Variants in PTPRK observed in about 807,000 individuals in gnomAD.
PTPRK encodes receptor-type tyrosine-protein phosphatase kappa.
PTPRK carries 75 observed loss-of-function variants against 178.0 expected under a neutral mutation model. That is an observed-to-expected ratio of 0.42 (90% CI 0.35 to 0.51). The LOEUF (loss-of-function observed/expected upper bound fraction) is 0.51, where lower values mean the gene tolerates loss of function less well. PTPRK is among the 20% of genes least tolerant of loss of function. The pLI, the probability that PTPRK is intolerant of heterozygous loss-of-function variation, is 0.02. For missense variants in PTPRK, 1,441 were observed against 1,797.8 expected (o/e 0.80, Z 3.59); for synonymous variants, 637 against 620.6 (o/e 1.03, Z -0.39).
At chr6:128,203,023 C>T in intron 6 of PTPRK, among the ~76,000 whole-genome samples, 1 of 152,158 alleles carries the variant, frequency 6.6e-6, no homozygotes. Context: ...TACTGTTAAA[C>T]CGAATCCAGC....
At chr6:128,307,589 A>G (rs1826617737) in intron 3 of PTPRK, among the ~76,000 whole-genome samples, 1 of 152,152 alleles carries the variant, frequency 6.6e-6, no homozygotes, top group African/African-American at 2.4e-5. Flanking sequence ...ATTACTATCT[A>G]GACCAGAAAA....
At position 128,086,736 on chromosome 6, in the gene PTPRK, C is replaced by G. The variant is rs554427653; in HGVS notation, c.1466-2912G>C. On this transcript the variant is annotated intron_variant, in intron 8 of 29. Coordinates refer to ENST00000368226, the MANE Select transcript of PTPRK (RefSeq NM_002844.4). ...CTATGTACAAAGTGAAGCTCACATGCTGATTTGAAGACAGAGTTACTTGCA... is the reference window on the plus strand; with the variant it reads ...CTATGTACAAAGTGAAGCTCACATGGTGATTTGAAGACAGAGTTACTTGCA... Among the ~76,000 whole-genome samples, 24 of 152,160 alleles carry G rather than the reference C, an allele frequency of 1.6e-4. No individual in the cohort carries two copies. The South Asian group carries it at 1.9e-3, about 12-fold the overall frequency.
At chr6:128,483,473 T>A (rs1440983382) in intron 1 of PTPRK, among the ~76,000 whole-genome samples, 2 of 152,180 alleles carry the variant, frequency 1.3e-5, no homozygotes, top group African/African-American at 4.8e-5. Context: ...CCTTTTCATC[T>A]TCTTCTCCCT....
intron 3 of PTPRK, among the ~76,000 whole-genome samples, chr6:128,274,601 C>T (rs1399756992): frequency 6.6e-6 from 1 of 152,008 alleles, no homozygotes; most frequent in Non-Finnish European, 1.5e-5. Flanking sequence ...AGCATTCACA[C>T]CCAGATTTAA....
chr6:128,074,728 G>A (rs1182042813), intron 11 of PTPRK, among the ~76,000 whole-genome samples: 2 of 152,016 alleles, frequency 1.3e-5, no homozygotes, highest in Non-Finnish European at 2.9e-5. Context: ...CATCGCACAT[G>A]TTCTACATTA....
At chr6:127,977,165 A>G in intron 25 of PTPRK, 111 bp from the exon 26 acceptor site, 2 of 1,086,472 alleles carry the variant, frequency 1.8e-6, no homozygotes, top group Non-Finnish European at 2.7e-6. Context: ...CAATAGCTTC[A>G]TATGCAGAAG....
intron 21 of PTPRK, among the ~76,000 whole-genome samples, chr6:127,986,896 A>T (rs914165593): frequency 6.6e-6 from 1 of 152,114 alleles, no homozygotes; most frequent in Non-Finnish European, 1.5e-5. Flanking sequence ...CTTAATTCCA[A>T]TTCCTAGCAC....
chr6:127,999,191 GT>G (rs1777512377), intron 15 of PTPRK, among the ~76,000 whole-genome samples: 1 of 152,036 alleles, frequency 6.6e-6, no homozygotes, highest in Admixed American at 6.6e-5. Flanking sequence ...ATTTTGCTGA[GT>G]TGTTTTTCTT....
rs1004906741 is a variant in PTPRK, at chr6:128,459,148, T to C, written c.100+61111A>G. Among the ~76,000 whole-genome samples the C allele has an allele frequency of 4.6e-5, 7 of 152,246 alleles. No homozygotes were observed. In the South Asian group the frequency reaches 8.3e-4, roughly 18 times the overall value. ...CTCCTCATTTGGAAAATGAGTAGGA[T>C]AAATTTCATTATCCCTATGTTCCTT... On this transcript the variant is annotated intron_variant, in intron 1 of 29. Transcript: ENST00000368226.
chr6:128,378,200 A>G lies in PTPRK; in HGVS notation c.223+19366T>C, dbSNP rs900306380. 3.3e-5 allele frequency among the ~76,000 whole-genome samples: 5 copies of G among 152,162 alleles called. No homozygotes were observed. In the East Asian group the frequency reaches 9.6e-4, roughly 29 times the overall value. On this transcript the variant is annotated intron_variant, in intron 2 of 29. Coordinates refer to ENST00000368226, the MANE Select transcript of PTPRK (RefSeq NM_002844.4). ...GAAAACAAATATAATTAAGTAAAAC[A>G]TAAGTTAGGCCTTGCTTCTGGACAA...
intron 2 of PTPRK, among the ~76,000 whole-genome samples, chr6:128,394,441 T>G (rs1013794643): frequency 6.6e-6 from 1 of 152,192 alleles, no homozygotes; most frequent in African/African-American, 2.4e-5. Flanking sequence ...AACAGTAGTA[T>G]TAGAGGGTTT....
At chr6:128,174,032 T>C (rs1800687954) in intron 7 of PTPRK, among the ~76,000 whole-genome samples, 1 of 151,990 alleles carries the variant, frequency 6.6e-6, no homozygotes, top group Non-Finnish European at 1.5e-5. Flanking sequence ...GATCAACATT[T>C]AGTATAGCAA....
chr6:128,442,054 A>G (rs1426770825), intron 1 of PTPRK, among the ~76,000 whole-genome samples: 1 of 152,224 alleles, frequency 6.6e-6, no homozygotes, highest in Non-Finnish European at 1.5e-5. Flanking sequence ...ATTTGAATAA[A>G]TATCAGAAAA....
chr6:128,464,636 C>CATATAT (rs1332123195), intron 1 of PTPRK, among the ~76,000 whole-genome samples: 7 of 40,736 alleles, frequency 1.7e-4, no homozygotes, highest in South Asian at 1.4e-3. Context: ...TATATATATA[C>CATATAT]ACATATATAT....
intron 5 of PTPRK, among the ~76,000 whole-genome samples, chr6:128,233,526 T>C (rs963622988): frequency 1.5e-4 from 23 of 152,226 alleles, no homozygotes; most frequent in Admixed American, 1.5e-3. Flanking sequence ...CTCATTTTAC[T>C]GATTTCACTC....
chr6:128,105,628 A>G (rs1488955712), intron 7 of PTPRK, among the ~76,000 whole-genome samples: 1 of 152,228 alleles, frequency 6.6e-6, no homozygotes, highest in Non-Finnish European at 1.5e-5. Flanking sequence ...CATAGGAAGA[A>G]CAGATCTTTG....
intron 6 of PTPRK, among the ~76,000 whole-genome samples, chr6:128,217,402 G>A (rs1809530505): frequency 6.6e-6 from 1 of 152,144 alleles, no homozygotes; most frequent in East Asian, 1.9e-4. Flanking sequence ...ACAAGAGGTT[G>A]ATCGCATCAT....
intron 2 of PTPRK, among the ~76,000 whole-genome samples, chr6:128,375,068 ATTATTATTATTATTATT>A (rs943526409): frequency 7.0e-6 from 1 of 141,930 alleles, no homozygotes; most frequent in African/African-American, 2.6e-5. Context: ...CATTATTATT[ATTATTATTATTATTATT>A]ATTATTATTA....
chr6:128,116,578 C>T (rs150727773), intron 7 of PTPRK, among the ~76,000 whole-genome samples: 5 of 152,302 alleles, frequency 3.3e-5, no homozygotes, highest in African/African-American at 1.2e-4. Context: ...ATAATCTATT[C>T]TTTCTAAGAC....
Sources: allele counts gnomAD v4.1 joint callset (sites outside exome capture counted in the v4.1 genomes callset), GRCh38; gene constraint gnomAD v4.1.1; transcripts MANE v1.5; gene names NCBI Gene and HGNC (gene_info 2026-07-23, HGNC 2026-07-21).